Variants in ELP4 observed in about 807,000 individuals in gnomAD.
ELP4 encodes elongator complex protein 4.
A neutral mutation model predicts 48.9 loss-of-function variants in ELP4; 51 were observed. That is an observed-to-expected ratio of 1.04 (90% confidence interval 0.83 to 1.32). The LOEUF (loss-of-function observed/expected upper bound fraction) is 1.32, where lower values mean the gene tolerates loss of function less well. Among genes scored for constraint, ELP4 ranks in the 40% most tolerant of loss-of-function variants. The probability of loss-of-function intolerance (pLI) is 0.00; values close to 1 mark genes in which losing one functional copy is unlikely to be tolerated. For synonymous variants in ELP4, 210 were observed against 189.2 expected, an observed-to-expected ratio of 1.11 and a Z score of -0.90; for missense variants, 519 against 514.6, an observed-to-expected ratio of 1.01 and a Z score of -0.08.
chr11:31,570,455 A>G (rs1173319570), intron 3 of ELP4, among the ~76,000 whole-genome samples: 2 of 147,440 alleles, frequency 1.4e-5, no homozygotes. Context: ...CCCCAGCATC[A>G]TGTAATATAC....
At chr11:31,697,578 T>C (rs1482068739) in intron 9 of ELP4, among the ~76,000 whole-genome samples, 1 of 152,166 alleles carries the variant, frequency 6.6e-6, no homozygotes, top group Non-Finnish European at 1.5e-5. Context: ...GTAAATAAAG[T>C]ATTTGTAGTC....
chr11:31,695,451 G>C, intron 9 of ELP4, among the ~76,000 whole-genome samples: 1 of 151,818 alleles, frequency 6.6e-6, no homozygotes, highest in Non-Finnish European at 1.5e-5. Flanking sequence ...TTTATACGAT[G>C]GATTACATTT....
chr11:31,717,966 A>C (rs929422744), intron 9 of ELP4, among the ~76,000 whole-genome samples: 1 of 151,730 alleles, frequency 6.6e-6, no homozygotes, highest in Non-Finnish European at 1.5e-5. Context: ...ACTACACCCC[A>C]CCCTTTCTTT....
In ELP4 at chr11:31,786,271, C is replaced by T. The variant is rs1481684688; in HGVS notation, c.*2747C>T. 4.8e-6 allele frequency: 1 copy of T among 209,728 alleles called. No individual in the cohort carries two copies. Among genetic ancestry groups the T allele is most frequent in the Admixed American group, 5.9e-5 (1 of 16,968 alleles). 13.0% of individuals were successfully genotyped at this position (209,728 alleles called of 1,614,324 possible). On this transcript the variant is annotated 3_prime_UTR_variant, in exon 10 of 10. Transcript: ENST00000640961. ...TACAAAAGGAGAGTGGGGGGACCCC[C>T]CTATTCATTTGTTTAAGCCCATTAT... is the stretch of plus-strand genomic sequence containing the variant.
At position 31,598,503 on chromosome 11, in the gene ELP4, CT is replaced by C. The variant is rs10702222; in HGVS notation, c.513+3624del. Among the ~76,000 whole-genome samples, 272 of 77,722 alleles carry C rather than the reference CT, an allele frequency of 3.5e-3. 1 individual carries two copies. The highest frequency in any genetic ancestry group is 0.013 in the African/African-American group (258 of 19,330). The allele number at this position is 77,722 out of a possible 152,430, so 51.0% of individuals were successfully genotyped here. The stretch of plus-strand genomic sequence containing the variant: ...TTTCCTTTTTTTTTCTTTTCTTCTT[CT>C]TTTTTTTTTTTTTTTTTTTTTGAGA... On this transcript the variant is annotated intron_variant, in intron 4 of 9. Coordinates refer to ENST00000640961, the MANE Select transcript of ELP4 (RefSeq NM_019040.5).
Position 31,539,740 on chromosome 11 carries a change from T to G in ELP4, c.338T>G (p.Leu113Trp), listed in dbSNP as rs201333718. Residue 113 changes from leucine to tryptophan, a missense_variant, in exon 3 of 10, where the codon TTG becomes TGG. Leu to Trp is a moderately conservative substitution (Grantham distance 61). Coordinates refer to ENST00000640961, the MANE Select transcript of ELP4 (RefSeq NM_019040.5). ...GAAGGAATTGTCAATGGGCATACTT[T>G]GTTGGTTGCATCTGCTAAAGAGGAT... The part of the protein sequence containing the change: ...LAEGIVNGHT[L>W]LVASAKEDPA... The G allele has an allele frequency of 1.2e-5, 20 of 1,612,236 alleles. No homozygotes were observed. The highest frequency in any genetic ancestry group is 1.4e-5 in the Non-Finnish European group (17 of 1,179,198).
chr11:31,562,755 A>G (rs1011091417), intron 3 of ELP4, among the ~76,000 whole-genome samples: 7 of 152,158 alleles, frequency 4.6e-5, no homozygotes, highest in Non-Finnish European at 1.0e-4. Flanking sequence ...TTAATTCACT[A>G]ATACTGGTTT....
At chr11:31,544,114 G>C (rs1372791042) in intron 3 of ELP4, among the ~76,000 whole-genome samples, 2 of 152,228 alleles carry the variant, frequency 1.3e-5, no homozygotes, top group African/African-American at 4.8e-5. Flanking sequence ...TGAGGTACCA[G>C]GTTCATCTCA....
At chr11:31,668,321 C>T (rs1434736956) in intron 9 of ELP4, among the ~76,000 whole-genome samples, 1 of 151,972 alleles carries the variant, frequency 6.6e-6, no homozygotes, top group Non-Finnish European at 1.5e-5. Context: ...CTGAAAAATG[C>T]CTTAACACCA....
At chr11:31,605,281 G>A (rs1957853072) in intron 5 of ELP4, among the ~76,000 whole-genome samples, 1 of 151,982 alleles carries the variant, frequency 6.6e-6, no homozygotes, top group Non-Finnish European at 1.5e-5. Flanking sequence ...GTGAAAAATT[G>A]GAGGTAGGGA....
At chr11:31,721,833 A>G (rs1299491365) in intron 9 of ELP4, among the ~76,000 whole-genome samples, 1 of 152,186 alleles carries the variant, frequency 6.6e-6, no homozygotes, top group Non-Finnish European at 1.5e-5. Flanking sequence ...GTTTCTATGT[A>G]CTTTTTAGGC....
At chr11:31,595,826 A>AAT (rs1957661308) in intron 4 of ELP4, among the ~76,000 whole-genome samples, 1 of 152,226 alleles carries the variant, frequency 6.6e-6, no homozygotes. Context: ...TAAGCTCGCA[A>AAT]TATGAAATAC....
At chr11:31,609,781 C>T (rs575959570) in intron 5 of ELP4, among the ~76,000 whole-genome samples, 17 of 152,162 alleles carry the variant, frequency 1.1e-4, no homozygotes, top group South Asian at 2.1e-4. Flanking sequence ...CCTCTAATCC[C>T]AGCACTTTGG....
intron 3 of ELP4, among the ~76,000 whole-genome samples, chr11:31,591,634 T>G (rs1205370544): frequency 2.0e-5 from 3 of 152,058 alleles, no homozygotes; most frequent in Non-Finnish European, 4.4e-5. Flanking sequence ...ATAGAATAAA[T>G]GGAACCCACG....
intron 1 of ELP4, chr11:31,511,031 T>A (rs1390494247): frequency 6.6e-6 from 1 of 152,226 alleles, no homozygotes; most frequent in Non-Finnish European, 1.5e-5. Flanking sequence ...CCCCTCAAAG[T>A]AGGCTTTTCA....
chr11:31,785,645 T>G lies in ELP4; in HGVS notation c.*2121T>G, dbSNP rs1383746144. On this transcript the variant is annotated 3_prime_UTR_variant, in exon 10 of 10. Coordinates refer to ENST00000640961, the MANE Select transcript of ELP4 (RefSeq NM_019040.5). ...TTTTTCTAATTCACTGGGCCGGCTT[T>G]GTAAAAATAAGCTACTGGAGAGGGG... The G allele has an allele frequency of 5.1e-6, 1 of 196,498 alleles. No homozygotes were observed. Among genetic ancestry groups the G allele is most frequent in the Non-Finnish European group, 1.1e-5 (1 of 94,828 alleles). 12.2% of individuals were successfully genotyped at this position (196,498 alleles called of 1,614,324 possible).
chr11:31,662,427 T>C (rs1206244998), intron 9 of ELP4: 1 of 394,218 alleles, frequency 2.5e-6, no homozygotes, highest in Non-Finnish European at 4.5e-6. Flanking sequence ...CTATGGCCCA[T>C]GGGCCAAATC....
chr11:31,780,022 G>T (rs1948335699), intron 9 of ELP4: 4 of 152,148 alleles, frequency 2.6e-5, no homozygotes, highest in Admixed American at 2.6e-4. Context: ...CCTTGATTTG[G>T]TTTTCAAGGT....
intron 9 of ELP4, among the ~76,000 whole-genome samples, chr11:31,713,806 A>C (rs1946788066): frequency 6.6e-6 from 1 of 152,202 alleles, no homozygotes; most frequent in South Asian, 2.1e-4. Flanking sequence ...AGAATAATAT[A>C]ATAAACCCCT....
Sources: allele counts gnomAD v4.1 joint callset (sites outside exome capture counted in the v4.1 genomes callset), GRCh38; gene constraint gnomAD v4.1.1; transcripts MANE v1.5; gene names NCBI Gene and HGNC (gene_info 2026-07-23, HGNC 2026-07-21).